The following PPIL2 variants were observed in gnomAD, a reference collection of about 807,000 sequenced individuals.
PPIL2 encodes RING-type E3 ubiquitin-protein ligase PPIL2.
Under a neutral mutation model 75.2 loss-of-function variants are expected in PPIL2, and 50 were observed. The observed-to-expected ratio is 0.66, with a 90% confidence interval of 0.53 to 0.84. The LOEUF (loss-of-function observed/expected upper bound fraction) is 0.84. PPIL2 is among the 40% of genes least tolerant of loss of function. PPIL2 has a pLI of 0.00. For synonymous variants in PPIL2, 245 were observed against 258.8 expected (o/e 0.95, Z 0.51); for missense variants, 590 against 685.0 (o/e 0.86, Z 1.55).
intron 15 of PPIL2, among the ~76,000 whole-genome samples, chr22:21,692,627 A>G (rs1340418897): frequency 6.6e-6 from 1 of 151,520 alleles, no homozygotes; most frequent in Non-Finnish European, 1.5e-5. Context: ...AAGGACATCT[A>G]TTTAAAGTCC....
intron 16 of PPIL2, 76 bp downstream of exon 16, chr22:21,693,948 C>T: frequency 6.9e-7 from 1 of 1,447,636 alleles, no homozygotes; most frequent in Non-Finnish European, 9.7e-7. Context: ...GGCCTCCTCA[C>T]TGCCTTTTTC....
At chr22:21,678,430 C>G (rs964436354) in intron 6 of PPIL2, among the ~76,000 whole-genome samples, 14 of 152,058 alleles carry the variant, frequency 9.2e-5, no homozygotes, top group African/African-American at 3.4e-4. Context: ...GGGGTTTCAC[C>G]ATGTTGGCCA....
chr22:21,694,243 A>AC (rs2067811894), intron 16 of PPIL2, among the ~76,000 whole-genome samples: 1 of 152,192 alleles, frequency 6.6e-6, no homozygotes, highest in Non-Finnish European at 1.5e-5. Flanking sequence ...GCTGTGTGGA[A>AC]GCAGCACGAA....
At chr22:21,677,916 G>C (rs1407439977) in intron 6 of PPIL2, among the ~76,000 whole-genome samples, 1 of 152,204 alleles carries the variant, frequency 6.6e-6, no homozygotes, top group Middle Eastern at 3.2e-3. Flanking sequence ...GGGAGGGAGA[G>C]CCGTGTGGGC....
At chr22:21,684,984 G>A in intron 10 of PPIL2, 71 bp downstream of exon 10, 1 of 1,569,514 alleles carries the variant, frequency 6.4e-7, no homozygotes, top group Non-Finnish European at 8.7e-7. Flanking sequence ...TCTTGGAGTG[G>A]TCCTGGGAAA....
In PPIL2 at chr22:21,670,129, A is replaced by T. The variant is rs1454351962; in HGVS notation, c.82+167A>T. On this transcript the variant is annotated intron_variant, in intron 2 of 19. Transcript: ENST00000398831. ...AGAGAAATATACTCAAGATAGAAGA[A>T]CCTGCTTCATCTTAGTGGTGATTTT... The T allele has an allele frequency of 3.8e-5, 33 of 876,780 alleles. 2 individuals are homozygous for T. In the Middle Eastern group the frequency reaches 1.4e-3, roughly 38 times the overall value. 54.3% of individuals were successfully genotyped at this position (876,780 alleles called of 1,614,324 possible). A position where few individuals can be genotyped will look rare whatever the true frequency, so the allele number is the denominator to read the frequency against.
chr22:21,679,904 G>A (rs539966142), intron 6 of PPIL2, among the ~76,000 whole-genome samples: 5 of 151,676 alleles, frequency 3.3e-5, no homozygotes, highest in African/African-American at 1.2e-4. Flanking sequence ...TGGCTAACAC[G>A]GTGAAACCCC....
chr22:21,671,501 C>A (rs536865351), intron 4 of PPIL2, among the ~76,000 whole-genome samples: 1 of 152,268 alleles, frequency 6.6e-6, no homozygotes, highest in East Asian at 1.9e-4. Context: ...TCTATTTATT[C>A]ACTTGGTTGT....
At chr22:21,672,100 T>C (rs567488945) in intron 4 of PPIL2, among the ~76,000 whole-genome samples, 1 of 152,330 alleles carries the variant, frequency 6.6e-6, no homozygotes, top group African/African-American at 2.4e-5. Flanking sequence ...CCTGTAGTTT[T>C]TGTTGTTTAT....
At chr22:21,698,590 G>A (rs572920750), downstream of PPIL2, 4 of 152,500 alleles carry the variant, frequency 2.6e-5, no homozygotes, top group East Asian at 5.6e-4. Context: ...GGAGAGGAAT[G>A]AAGACTCACT....
intron 15 of PPIL2, 33 bp downstream of exon 15, chr22:21,688,882 G>A (rs912465761): frequency 6.3e-7 from 1 of 1,588,948 alleles, no homozygotes; most frequent in Non-Finnish European, 8.6e-7. Context: ...GGTGGCCTGG[G>A]AGGTGAGCCG....
chr22:21,671,646 A>G (rs925541194), intron 4 of PPIL2, among the ~76,000 whole-genome samples: 1 of 152,064 alleles, frequency 6.6e-6, no homozygotes, highest in Non-Finnish European at 1.5e-5. Context: ...GCGCTGAAGC[A>G]GTCCTTCCAC....
chr22:21,681,479 T>A, intron 7 of PPIL2, 89 bp downstream of exon 7: 1 of 1,181,154 alleles, frequency 8.5e-7, no homozygotes, highest in Non-Finnish European at 1.2e-6. Flanking sequence ...GTGTGCTACG[T>A]GTACGGCCTG....
intron 15 of PPIL2, among the ~76,000 whole-genome samples, chr22:21,692,453 CAA>C (rs2067713849): frequency 1.3e-5 from 2 of 151,948 alleles, no homozygotes; most frequent in Non-Finnish European, 2.9e-5. Flanking sequence ...TGTGCCTGGC[CAA>C]TCCTGACAAT....
At chr22:21,678,831 C>T (rs2066983284) in intron 6 of PPIL2, among the ~76,000 whole-genome samples, 1 of 151,562 alleles carries the variant, frequency 6.6e-6, no homozygotes, top group Non-Finnish European at 1.5e-5. Flanking sequence ...GGACCAAGTG[C>T]TCCTTCCACC....
intron 8 of PPIL2, among the ~76,000 whole-genome samples, chr22:21,682,890 C>G (rs569738432): frequency 6.6e-4 from 100 of 152,354 alleles, no homozygotes; most frequent in African/African-American, 2.3e-3. Context: ...TGCCCACGTT[C>G]CGGTCCGATA....
chr22:21,669,092 G>A (rs1370728771), intron 1 of PPIL2, among the ~76,000 whole-genome samples: 1 of 150,658 alleles, frequency 6.6e-6, no homozygotes, highest in Non-Finnish European at 1.5e-5. Flanking sequence ...CTCGTGATCT[G>A]CCCGCCTTGG....
In PPIL2 at chr22:21,695,582, G is replaced by C. The variant is rs2067891771; in HGVS notation, c.*92G>C. ...TTCCAGCCTTTCTAGCCTGCCCTCT[G>C]CTGCCAGCCAATAAATTGCTTGCCT... On this transcript the variant is annotated 3_prime_UTR_variant, in exon 20 of 20. Transcript: ENST00000398831. The C allele has an allele frequency of 6.5e-7, 1 of 1,531,378 alleles. No individual in the cohort carries two copies. Among genetic ancestry groups the C allele is most frequent in the Non-Finnish European group, 8.8e-7 (1 of 1,137,404 alleles). 94.9% of individuals were successfully genotyped at this position (1,531,378 alleles called of 1,614,324 possible).
intron 5 of PPIL2, among the ~76,000 whole-genome samples, chr22:21,672,796 G>A (rs1320145823): frequency 6.6e-6 from 1 of 152,190 alleles, no homozygotes; most frequent in Admixed American, 6.5e-5. Context: ...TTACTTGCAT[G>A]TATTCCTCCA....
Sources: gnomAD v4.1 joint callset for allele counts (sites outside exome capture counted in the v4.1 genomes callset) on GRCh38, gnomAD v4.1.1 for gene constraint, MANE v1.5 for transcripts, NCBI Gene and HGNC (gene_info 2026-07-23, HGNC 2026-07-21) for gene names.